The following GALNT13 variants were observed in gnomAD, a reference collection of about 807,000 sequenced individuals.
GALNT13 encodes UDP-GalNAc:polypeptide N-acetylgalactosaminyltransferase 13.
A neutral mutation model predicts 64.2 loss-of-function variants in GALNT13; 28 were observed. The ratio of observed to expected loss-of-function variants is 0.44; its 90% CI spans 0.32 to 0.60. The LOEUF is 0.60. Among genes scored for constraint, GALNT13 ranks in the 20% least tolerant of loss-of-function variants. The pLI, the probability that GALNT13 is intolerant of heterozygous loss-of-function variation, is 0.05. For synonymous variants in GALNT13, 214 were observed against 224.6 expected (o/e 0.95, Z 0.42); for missense variants, 577 against 669.8 (o/e 0.86, Z 1.53).
At chr2:154,168,916 G>A (rs1019095707) in intron 4 of GALNT13, among the ~76,000 whole-genome samples, 2 of 152,016 alleles carry the variant, frequency 1.3e-5, no homozygotes, top group African/African-American at 2.4e-5. Context: ...GTCCATACAC[G>A]AAGCATGGTG....
At chr2:153,383,697 T>G in the GALNT13 span, among the ~76,000 whole-genome samples, 1 of 152,032 alleles carries the variant, frequency 6.6e-6, no homozygotes, top group African/African-American at 2.4e-5. Flanking sequence ...AAAAATAAAT[T>G]TGTTCATTGA....
At chr2:153,271,672 G>A in the GALNT13 span, among the ~76,000 whole-genome samples, 6 of 152,130 alleles carry the variant, frequency 3.9e-5, no homozygotes, top group South Asian at 2.1e-4. Flanking sequence ...AATCAATATC[G>A]TGAAAATGGC....
At chr2:153,565,174 T>G in the GALNT13 span, among the ~76,000 whole-genome samples, 1 of 152,082 alleles carries the variant, frequency 6.6e-6, no homozygotes, top group Non-Finnish European at 1.5e-5. Context: ...AGCTGCTAAG[T>G]TTTTGGCTAT....
intron 2 of GALNT13, among the ~76,000 whole-genome samples, chr2:153,934,536 A>G (rs1417115186): frequency 6.6e-6 from 1 of 152,218 alleles, no homozygotes; most frequent in Non-Finnish European, 1.5e-5. Context: ...CACAGGAAGT[A>G]CATGAACCAT....
At chr2:154,110,013 T>A (rs1311661753) in intron 3 of GALNT13, among the ~76,000 whole-genome samples, 1 of 151,994 alleles carries the variant, frequency 6.6e-6, no homozygotes, top group Non-Finnish European at 1.5e-5. Flanking sequence ...TGTTCATTTC[T>A]TTTCAATTTT....
At chr2:153,909,853 T>A (rs184662334) in intron 2 of GALNT13, among the ~76,000 whole-genome samples, 13 of 152,126 alleles carry the variant, frequency 8.5e-5, no homozygotes, top group East Asian at 1.9e-4. Context: ...GAGGATTTTT[T>A]AATCTATCCT....
At chr2:153,551,055 A>G in the GALNT13 span, among the ~76,000 whole-genome samples, 3 of 152,190 alleles carry the variant, frequency 2.0e-5, no homozygotes, top group Non-Finnish European at 1.5e-5. Context: ...ACAAGTCCAA[A>G]AAAAAATCAT....
At chr2:153,839,825 A>T in the GALNT13 span, among the ~76,000 whole-genome samples, 1 of 151,950 alleles carries the variant, frequency 6.6e-6, no homozygotes, top group Non-Finnish European at 1.5e-5. Context: ...TTGTGTATTT[A>T]TTATCTAAAA....
chr2:154,192,178 G>A (rs907361263), intron 4 of GALNT13, among the ~76,000 whole-genome samples: 1 of 152,144 alleles, frequency 6.6e-6, no homozygotes, highest in Non-Finnish European at 1.5e-5. Flanking sequence ...CTCTCAGGCC[G>A]GTGCGTTTCT....
In GALNT13 at chr2:154,021,248, G is replaced by C. The variant is rs1261781461; in HGVS notation, c.142+76609G>C. On this transcript the variant is annotated intron_variant, in intron 3 of 12. Coordinates refer to ENST00000392825, the MANE Select transcript of GALNT13 (RefSeq NM_052917.4). ...TCCAATTCTGTGAAGAAAGTCATTGGTAGCTTGATGGGGATGGCATTGAAT... is the reference window on the plus strand; with the variant it reads ...TCCAATTCTGTGAAGAAAGTCATTGCTAGCTTGATGGGGATGGCATTGAAT... Among the ~76,000 whole-genome samples, 8 of 152,244 alleles carry C rather than the reference G, an allele frequency of 5.3e-5. No homozygotes were observed. In the East Asian group the frequency reaches 1.5e-3, roughly 29 times the overall value.
Position 154,229,773 on chromosome 2 carries a change from A to T in GALNT13, c.312-12257A>T, listed in dbSNP as rs1303165009. On this transcript the variant is annotated intron_variant, in intron 4 of 12. Coordinates refer to ENST00000392825, the MANE Select transcript of GALNT13 (RefSeq NM_052917.4). ...ATGAGAGGGCTTTGTTCCCTGAAGA[A>T]ACATTGATATGTTCAACATTGCTGA... is the stretch of plus-strand genomic sequence containing the variant. 2.0e-5 allele frequency among the ~76,000 whole-genome samples: 3 copies of T among 152,112 alleles called. No individual in the cohort carries two copies. The East Asian group carries it at 5.8e-4, about 29-fold the overall frequency.
chr2:153,095,376 A>T, the GALNT13 span, among the ~76,000 whole-genome samples: 1 of 152,220 alleles, frequency 6.6e-6, no homozygotes, highest in African/African-American at 2.4e-5. Context: ...GATCATTAAA[A>T]AGTCAGGAAA....
the GALNT13 span, among the ~76,000 whole-genome samples, chr2:153,078,050 C>T: frequency 9.9e-5 from 15 of 151,958 alleles, no homozygotes; most frequent in African/African-American, 3.6e-4. Context: ...TAAATGTAGG[C>T]CTTGGTCTGG....
chr2:153,708,451 T>C, the GALNT13 span, among the ~76,000 whole-genome samples: 4 of 152,130 alleles, frequency 2.6e-5, no homozygotes, highest in African/African-American at 9.7e-5. Flanking sequence ...TGGCTGTGTA[T>C]CAGGTTAGCT....
chr2:154,178,643 A>G (rs190043129), intron 4 of GALNT13, among the ~76,000 whole-genome samples: 2 of 152,298 alleles, frequency 1.3e-5, no homozygotes, highest in East Asian at 3.9e-4. Flanking sequence ...AATTGTATCA[A>G]TTAACATATT....
chr2:153,685,876 T>A, the GALNT13 span, among the ~76,000 whole-genome samples: 3 of 151,262 alleles, frequency 2.0e-5, no homozygotes, highest in South Asian at 6.2e-4. Flanking sequence ...ATATAGCTAG[T>A]CAGCAGCATT....
chr2:153,303,476 A>T, the GALNT13 span, among the ~76,000 whole-genome samples: 1 of 152,100 alleles, frequency 6.6e-6, no homozygotes, highest in African/African-American at 2.4e-5. Flanking sequence ...ATGGTTTTCT[A>T]TGTATAAGAG....
the GALNT13 span, among the ~76,000 whole-genome samples, chr2:153,402,960 G>A: frequency 7.2e-5 from 11 of 152,062 alleles, no homozygotes; most frequent in African/African-American, 1.9e-4. Flanking sequence ...GCTTTGTTCC[G>A]TTGCTGGTGA....
chr2:154,257,411 G>C (rs1195986652), intron 7 of GALNT13, among the ~76,000 whole-genome samples: 3 of 151,854 alleles, frequency 2.0e-5, no homozygotes, highest in Admixed American at 6.6e-5. Context: ...CAGCAATTTT[G>C]GTTCCTAATT....
Sources: allele counts gnomAD v4.1 joint callset (sites outside exome capture counted in the v4.1 genomes callset), GRCh38; gene constraint gnomAD v4.1.1; transcripts MANE v1.5; gene names NCBI Gene and HGNC (gene_info 2026-07-23, HGNC 2026-07-21).